GRIN2A: variants seen among roughly 807,000 people sequenced by gnomAD.
The protein encoded by GRIN2A is glutamate ionotropic receptor NMDA type subunit 2A.
GRIN2A carries 22 observed loss-of-function variants against 113.4 expected under a neutral mutation model. The observed-to-expected ratio is 0.19, with a 90% CI of 0.14 to 0.28. The LOEUF is 0.28. Ranked by LOEUF, GRIN2A falls within the 10% of genes least tolerant of loss-of-function variation. The pLI is 1.00. For synonymous variants in GRIN2A, 827 were observed against 738.4 expected (o/e 1.12, Z -1.94); for missense variants, 1,502 against 1,887.0 (o/e 0.80, Z 3.78).
At chr16:9,982,395 C>G (rs150125198) in intron 2 of GRIN2A, among the ~76,000 whole-genome samples, 6 of 152,316 alleles carry the variant, frequency 3.9e-5, no homozygotes, top group African/African-American at 1.4e-4. Flanking sequence ...AGTTCATTAA[C>G]GTTTGCAATG....
At chr16:10,023,795 G>T (rs2046769093) in intron 2 of GRIN2A, among the ~76,000 whole-genome samples, 2 of 152,352 alleles carry the variant, frequency 1.3e-5, no homozygotes, top group East Asian at 1.9e-4. Flanking sequence ...GTTTTGTCAT[G>T]CAGTGTCTCA....
intron 11 of GRIN2A, among the ~76,000 whole-genome samples, chr16:9,788,417 C>G (rs182732515): frequency 6.6e-6 from 1 of 152,080 alleles, no homozygotes; most frequent in Admixed American, 6.5e-5. Context: ...ACCACCATGC[C>G]TGGCTGATTT....
chr16:10,024,210 AATGGTATGC>A (rs2046777476), intron 2 of GRIN2A, among the ~76,000 whole-genome samples: 1 of 150,332 alleles, frequency 6.7e-6, no homozygotes, highest in African/African-American at 2.5e-5. Flanking sequence ...TGGTCTCATT[AATGGTATGC>A]ATGTTTGTTT....
At chr16:9,940,655 A>C (rs2141641164) in intron 2 of GRIN2A, among the ~76,000 whole-genome samples, 2 of 152,340 alleles carry the variant, frequency 1.3e-5, no homozygotes, top group African/African-American at 4.8e-5. Context: ...ATGGGAATTC[A>C]GTATCTGAGA....
intron 2 of GRIN2A, among the ~76,000 whole-genome samples, chr16:9,957,483 G>A (rs1179350878): frequency 6.6e-6 from 1 of 152,166 alleles, no homozygotes; most frequent in East Asian, 1.9e-4. Context: ...GCCTTCCCAT[G>A]TGAAACCCCA....
intron 2 of GRIN2A, among the ~76,000 whole-genome samples, chr16:10,062,564 G>C (rs2047567335): frequency 6.6e-6 from 1 of 152,146 alleles, no homozygotes; most frequent in Non-Finnish European, 1.5e-5. Flanking sequence ...GAAAAACATT[G>C]GGTTAACACG....
chr16:10,132,340 CAA>C (rs71402435), intron 2 of GRIN2A, among the ~76,000 whole-genome samples: 25 of 61,612 alleles, frequency 4.1e-4, no homozygotes, highest in African/African-American at 6.5e-4. Context: ...GACACCGTCT[CAA>C]AAAAAAAAAA....
intron 2 of GRIN2A, among the ~76,000 whole-genome samples, chr16:9,984,257 A>G (rs2045941804): frequency 6.7e-6 from 1 of 150,258 alleles, no homozygotes; most frequent in South Asian, 2.1e-4. Flanking sequence ...AGTTCCTTGT[A>G]TATTCTGCAT....
At chr16:9,884,416 G>T (rs2043548909) in intron 4 of GRIN2A, among the ~76,000 whole-genome samples, 1 of 152,062 alleles carries the variant, frequency 6.6e-6, no homozygotes, top group Non-Finnish European at 1.5e-5. Context: ...AGGAGTGGCT[G>T]CACGTGTCTG....
chr16:9,776,780 T>C (rs1435971115), intron 11 of GRIN2A, among the ~76,000 whole-genome samples: 1 of 151,958 alleles, frequency 6.6e-6, no homozygotes, highest in Non-Finnish European at 1.5e-5. Context: ...TTGGGTACTT[T>C]GGGTTTCTCA....
At chr16:9,953,026 A>C (rs1391019711) in intron 2 of GRIN2A, among the ~76,000 whole-genome samples, 1 of 152,124 alleles carries the variant, frequency 6.6e-6, no homozygotes, top group Non-Finnish European at 1.5e-5. Flanking sequence ...TATCTTCGGG[A>C]AGGACCACTT....
At chr16:10,110,008 G>A (rs150493220) in intron 2 of GRIN2A, among the ~76,000 whole-genome samples, 2,348 of 151,874 alleles carry the variant, frequency 0.015, 58 homozygotes, top group African/African-American at 0.05. Context: ...CCATTAACTC[G>A]TCATCTAGCA....
chr16:9,755,627 T>C lies in GRIN2A; in HGVS notation c.*7522A>G. 5.3e-6 allele frequency: 1 copy of C among 189,446 alleles called. No individual in the cohort carries two copies. The highest frequency in any genetic ancestry group is 2.3e-5 in the African/African-American group (1 of 42,924). The allele number at this position is 189,446 out of a possible 1,614,324, so 11.7% of individuals were successfully genotyped here. A position where few individuals can be genotyped will look rare whatever the true frequency, so the allele number is the denominator to read the frequency against. ...TGCACCCCTCACCTCTCAGTAAATA[T>C]AAATGCCAGGAAAGAAATGTGGCTT... On this transcript the variant is annotated 3_prime_UTR_variant, in exon 13 of 13. Transcript: ENST00000330684.
intron 2 of GRIN2A, among the ~76,000 whole-genome samples, chr16:10,098,819 A>T (rs1035765630): frequency 1.4e-4 from 22 of 152,146 alleles, no homozygotes; most frequent in Non-Finnish European, 7.4e-5. Flanking sequence ...AAGGGTGGTG[A>T]GGAATAAAAG....
At chr16:10,081,910 G>C (rs916403336) in intron 2 of GRIN2A, among the ~76,000 whole-genome samples, 2 of 152,144 alleles carry the variant, frequency 1.3e-5, no homozygotes, top group African/African-American at 4.8e-5. Flanking sequence ...TAAGCTCAAG[G>C]GCTCCAAGTA....
intron 2 of GRIN2A, among the ~76,000 whole-genome samples, chr16:10,073,751 G>GAA (rs58500889): frequency 7.1e-6 from 1 of 141,234 alleles, no homozygotes. Context: ...TAAAAATCCA[G>GAA]AAAAAAAAAA....
chr16:10,099,124 C>T (rs2048348342), intron 2 of GRIN2A, among the ~76,000 whole-genome samples: 1 of 152,132 alleles, frequency 6.6e-6, no homozygotes, highest in Non-Finnish European at 1.5e-5. Context: ...TTCCCCATAC[C>T]TTGTGCATCT....
At chr16:10,129,423 T>C (rs2049016677) in intron 2 of GRIN2A, among the ~76,000 whole-genome samples, 1 of 151,972 alleles carries the variant, frequency 6.6e-6, no homozygotes, top group African/African-American at 2.4e-5. Flanking sequence ...AGCTAAGCTA[T>C]AGGAGAAAAT....
intron 2 of GRIN2A, among the ~76,000 whole-genome samples, chr16:10,085,231 C>G (rs578184522): frequency 6.6e-6 from 1 of 152,124 alleles, no homozygotes; most frequent in Non-Finnish European, 1.5e-5. Context: ...ATCTCGCAGG[C>G]TGGGGAGTGT....
Sources: gnomAD v4.1 joint callset for allele counts (sites outside exome capture counted in the v4.1 genomes callset) on GRCh38, gnomAD v4.1.1 for gene constraint, MANE v1.5 for transcripts, NCBI Gene and HGNC (gene_info 2026-07-23, HGNC 2026-07-21) for gene names.